Variants in ADGRA3 observed in about 807,000 individuals in gnomAD.
The protein encoded by ADGRA3 is G-protein coupled receptor 125.
In ADGRA3, 56 loss-of-function variants were observed where a neutral mutation model predicts 119.8. The observed-to-expected ratio is 0.47, with a 90% CI of 0.38 to 0.58. The LOEUF is 0.58. Ranked by LOEUF, ADGRA3 falls within the 20% of genes least tolerant of loss-of-function variation. The pLI is 0.00. For missense variants in ADGRA3, 1,516 were observed against 1,649.0 expected (o/e 0.92, Z 1.40); for synonymous variants, 607 against 623.8 (o/e 0.97, Z 0.40).
intron 1 of ADGRA3, among the ~76,000 whole-genome samples, chr4:22,487,864 G>A (rs565694789): frequency 1.2e-4 from 18 of 152,218 alleles, no homozygotes; most frequent in Non-Finnish European, 1.9e-4. Context: ...ACAATGGCCC[G>A]CCAAACCCAC....
At chr4:22,499,292 A>C (rs2109166031) in intron 1 of ADGRA3, among the ~76,000 whole-genome samples, 1 of 152,368 alleles carries the variant, frequency 6.6e-6, no homozygotes, top group East Asian at 1.9e-4. Flanking sequence ...AAAATCATAG[A>C]ACTTTAGCAG....
chr4:22,487,815 A>G (rs1443413064), intron 1 of ADGRA3, among the ~76,000 whole-genome samples: 1 of 152,136 alleles, frequency 6.6e-6, no homozygotes, highest in Non-Finnish European at 1.5e-5. Flanking sequence ...ATATTTCTCC[A>G]ATTTATCTAA....
chr4:22,420,634 C>T (rs1715620699), intron 12 of ADGRA3: 1 of 560,378 alleles, frequency 1.8e-6, no homozygotes, highest in East Asian at 2.9e-5. Flanking sequence ...ATTTATACCA[C>T]TGCAGTTATA....
chr4:22,387,510 A>T lies in ADGRA3; in HGVS notation c.*195T>A. The stretch of plus-strand genomic sequence containing the variant: ...GCTTTGACAACTAAAACAATGTTTT[A>T]GAAAGATTTTGTTTCAGATCCTAAA... On this transcript the variant is annotated 3_prime_UTR_variant, in exon 19 of 19. Transcript: ENST00000334304. 2.0e-6 allele frequency: 1 copy of T among 508,458 alleles called. No homozygotes were observed. The highest frequency in any genetic ancestry group is 3.4e-6 in the Non-Finnish European group (1 of 292,018). The allele number at this position is 508,458 out of a possible 1,614,324, so 31.5% of individuals were successfully genotyped here.
intron 3 of ADGRA3, among the ~76,000 whole-genome samples, chr4:22,456,915 G>A (rs1257455772): frequency 3.9e-5 from 6 of 152,212 alleles, no homozygotes; most frequent in African/African-American, 7.2e-5. Context: ...ATTTAATCAC[G>A]TGGGACTTTT....
chr4:22,420,874 A>G lies in ADGRA3; in HGVS notation c.1809+12T>C. ...TGTAAATAGTCTTAAATGATTGCAG[A>G]ATGTAACATACCTTTAGTGCCAGAC... On this transcript the variant is annotated intron_variant, in intron 12 of 18. Coordinates refer to ENST00000334304, the MANE Select transcript of ADGRA3 (RefSeq NM_145290.4). The G allele has an allele frequency of 6.2e-7, 1 of 1,608,366 alleles. No individual in the cohort carries two copies. The highest frequency in any genetic ancestry group is 8.5e-7 in the Non-Finnish European group (1 of 1,174,708).
At chr4:22,428,362 C>T (rs1716025711) in intron 10 of ADGRA3, among the ~76,000 whole-genome samples, 1 of 145,774 alleles carries the variant, frequency 6.9e-6, no homozygotes, top group African/African-American at 2.6e-5. Flanking sequence ...AAAAAAAAAG[C>T]AGAAGACAAA....
intron 14 of ADGRA3, among the ~76,000 whole-genome samples, chr4:22,412,177 T>C (rs1715234250): frequency 6.6e-6 from 1 of 152,054 alleles, no homozygotes; most frequent in Non-Finnish European, 1.5e-5. Flanking sequence ...ACACCCAGAG[T>C]AACCTCAAAC....
Position 22,427,381 on chromosome 4 carries a change from T to A in ADGRA3, c.1444-3029A>T, listed in dbSNP as rs201142810. ...CACGTCATCTTTCTTGAAAAATTCATCATTATTACATGATCAAAGAACTAC... is the reference window on the plus strand; with the variant it reads ...CACGTCATCTTTCTTGAAAAATTCAACATTATTACATGATCAAAGAACTAC... On this transcript the variant is annotated intron_variant, in intron 10 of 18. Transcript: ENST00000334304. Among the ~76,000 whole-genome samples the A allele has an allele frequency of 8.7e-3, 1,319 of 152,198 alleles. 20 individuals carry two copies. Among genetic ancestry groups the A allele is most frequent in the East Asian group, 0.044 (228 of 5,172 alleles).
rs535177320 is a variant in ADGRA3 at position 22,388,601 on chromosome 4, C to T, written c.3070G>A (p.Asp1024Asn). ...ALAVSLYYPL[D>N]LVFSFVFGAT... ...CCAAAAACGAAGCTAAAAACCAAGT[C>T]CAAAGGGTAATACAAAGAAACAGCC... The change falls in exon 19 of 19, where the codon GAC becomes AAC. Residue 1024 changes from aspartate (D) to asparagine (N), a missense_variant. Asp to Asn is a conservative substitution (Grantham distance 23, BLOSUM62 1). Around this residue, in one of 2 missense-constraint regions of ADGRA3, gnomAD observed 1,088 missense variants for 1,107.1 expected, o/e 0.98. Coordinates refer to ENST00000334304, the MANE Select transcript of ADGRA3 (RefSeq NM_145290.4). 32 of 1,613,980 alleles carry T rather than the reference C, an allele frequency of 2.0e-5. No individual in the cohort carries two copies. The highest frequency in any genetic ancestry group is 6.7e-5 in the Admixed American group (4 of 59,998).
chr4:22,474,033 C>T (rs78475693), intron 1 of ADGRA3, among the ~76,000 whole-genome samples, 190 bp from the exon 2 acceptor site: 1 of 152,278 alleles, frequency 6.6e-6, no homozygotes, highest in African/African-American at 2.4e-5. Context: ...GTAGTTTACT[C>T]ATGCATCTTG....
chr4:22,445,203 G>T, intron 5 of ADGRA3, 70 bp from the exon 6 acceptor site: 1 of 1,403,686 alleles, frequency 7.1e-7, no homozygotes, highest in East Asian at 2.3e-5. Flanking sequence ...TTTATATTGG[G>T]TTACATTTCT....
chr4:22,435,124 C>A (rs1014908942), intron 10 of ADGRA3, among the ~76,000 whole-genome samples, 187 bp downstream of exon 10: 1 of 152,082 alleles, frequency 6.6e-6, no homozygotes, highest in South Asian at 2.1e-4. Flanking sequence ...TCACCTCTCC[C>A]GGTCCCAGCA....
intron 14 of ADGRA3, among the ~76,000 whole-genome samples, chr4:22,406,788 T>G (rs1454036372): frequency 6.6e-6 from 1 of 152,106 alleles, no homozygotes; most frequent in East Asian, 1.9e-4. Context: ...AAGGGCCAGA[T>G]AGTAAACATT....
At chr4:22,406,862 C>G (rs1714954363) in intron 14 of ADGRA3, among the ~76,000 whole-genome samples, 1 of 151,768 alleles carries the variant, frequency 6.6e-6, no homozygotes, top group African/African-American at 2.4e-5. Flanking sequence ...CCATGTAAAA[C>G]AGAACCACTA....
chr4:22,464,672 C>T (rs1007685993), intron 2 of ADGRA3, among the ~76,000 whole-genome samples: 5 of 152,202 alleles, frequency 3.3e-5, no homozygotes, highest in Admixed American at 6.5e-5. Flanking sequence ...CTCTTGGGCA[C>T]CTCCTGAGAG....
Position 22,387,713 on chromosome 4 carries a change from T to G in ADGRA3, c.3958A>C (p.Thr1320Pro). The change falls in exon 19 of 19, where the codon ACT becomes CCT. Residue 1320 changes from threonine (T) to proline (P), a missense_variant. Coordinates refer to ENST00000334304, the MANE Select transcript of ADGRA3 (RefSeq NM_145290.4). ...VRTGLWKHET[T>P]V The stretch of plus-strand genomic sequence containing the variant: ...TAGGAAGCCCAGCAATGTTACACAG[T>G]AGTTTCGTGTTTCCATAATCCAGTC... 1 of 1,602,626 alleles carries G rather than the reference T, an allele frequency of 6.2e-7. No homozygotes were observed. Among genetic ancestry groups the G allele is most frequent in the Non-Finnish European group, 8.5e-7 (1 of 1,172,566 alleles).
At chr4:22,443,800 T>C (rs896757688) in intron 6 of ADGRA3, among the ~76,000 whole-genome samples, 1 of 152,182 alleles carries the variant, frequency 6.6e-6, no homozygotes, top group African/African-American at 2.4e-5. Context: ...CTATTTTCAG[T>C]CATGAACATA....
chr4:22,409,400 A>G (rs116523830), intron 14 of ADGRA3, among the ~76,000 whole-genome samples: 4 of 152,326 alleles, frequency 2.6e-5, no homozygotes, highest in Non-Finnish European at 5.9e-5. Flanking sequence ...AAACTCGTAT[A>G]TTGAGAGGAT....
Sources: allele counts gnomAD v4.1 joint callset (sites outside exome capture counted in the v4.1 genomes callset), GRCh38; gene constraint gnomAD v4.1.1; regional missense constraint gnomAD v4.1.1; transcripts MANE v1.5; gene names NCBI Gene and HGNC (gene_info 2026-07-23, HGNC 2026-07-21).